Variants in TRPM6 observed in about 807,000 individuals in gnomAD.
TRPM6 encodes the protein channel kinase 2.
A neutral mutation model predicts 247.6 loss-of-function variants in TRPM6; 111 were observed. The observed-to-expected ratio is 0.45, with a 90% CI of 0.38 to 0.52. The LOEUF is 0.52. Among genes scored for constraint, TRPM6 ranks in the 20% least tolerant of loss-of-function variants. The probability of loss-of-function intolerance (pLI) is 0.00; values close to 1 mark genes in which losing one functional copy is unlikely to be tolerated. For synonymous variants in TRPM6, 892 were observed against 853.8 expected (o/e 1.04, Z -0.78); for missense variants, 2,126 against 2,421.5 (o/e 0.88, Z 2.56).
At chr9:74,833,951 T>G in intron 6 of TRPM6, 47 bp downstream of exon 6, 1 of 1,611,204 alleles carries the variant, frequency 6.2e-7, no homozygotes, top group Non-Finnish European at 8.5e-7. Flanking sequence ...GCTGGCAATT[T>G]GCACACGTGT....
At chr9:74,786,383 A>G (rs1009729210) in intron 20 of TRPM6, among the ~76,000 whole-genome samples, 1 of 152,262 alleles carries the variant, frequency 6.6e-6, no homozygotes, top group Non-Finnish European at 1.5e-5. Context: ...AAAAATAGAA[A>G]GCACTTTTTC....
chr9:74,782,299 T>A, intron 23 of TRPM6, 63 bp downstream of exon 23: 1 of 1,220,136 alleles, frequency 8.2e-7, no homozygotes, highest in Non-Finnish European at 1.2e-6. Flanking sequence ...TACATGTGAA[T>A]CTACTCAACA....
At chr9:74,761,856 A>T (rs1229693112) in intron 26 of TRPM6, 48 bp from the exon 27 acceptor site, 4 of 1,521,262 alleles carry the variant, frequency 2.6e-6, no homozygotes, top group Admixed American at 3.3e-5. Flanking sequence ...GTAAGTGGGG[A>T]ACATTTTGTT....
intron 27 of TRPM6, among the ~76,000 whole-genome samples, chr9:74,760,227 G>A (rs1263560211): frequency 1.3e-5 from 2 of 152,128 alleles, no homozygotes; most frequent in Non-Finnish European, 2.9e-5. Flanking sequence ...GACACTCCTA[G>A]AACAACTTCC....
intron 1 of TRPM6, among the ~76,000 whole-genome samples, chr9:74,870,922 T>C (rs377415483): frequency 9.9e-5 from 15 of 151,422 alleles, no homozygotes; most frequent in South Asian, 6.3e-4. Context: ...GACAGAGAGA[T>C]ACTCCGTCTC....
chr9:74,877,023 A>C (rs1831212348), intron 1 of TRPM6, among the ~76,000 whole-genome samples: 1 of 152,236 alleles, frequency 6.6e-6, no homozygotes, highest in Non-Finnish European at 1.5e-5. Flanking sequence ...GAAATGCAAA[A>C]CCATGCAGTC....
At chr9:74,795,401 G>A (rs2118983887) in intron 18 of TRPM6, among the ~76,000 whole-genome samples, 1 of 152,300 alleles carries the variant, frequency 6.6e-6, no homozygotes, top group Non-Finnish European at 1.5e-5. Context: ...ACATGATCTA[G>A]CCTCAATCTA....
At chr9:74,863,071 G>A (rs1056259962) in intron 1 of TRPM6, among the ~76,000 whole-genome samples, 2 of 151,590 alleles carry the variant, frequency 1.3e-5, no homozygotes, top group African/African-American at 2.4e-5. Flanking sequence ...TTTTTGAGAC[G>A]GAGTTTCTCT....
chr9:74,871,539 G>A (rs958862122), intron 1 of TRPM6, among the ~76,000 whole-genome samples: 1 of 152,116 alleles, frequency 6.6e-6, no homozygotes, highest in Non-Finnish European at 1.5e-5. Flanking sequence ...CTAAGCACCT[G>A]GTCATGTATA....
intron 25 of TRPM6, among the ~76,000 whole-genome samples, chr9:74,767,309 G>A (rs1423041653): frequency 6.6e-6 from 1 of 152,106 alleles, no homozygotes; most frequent in African/African-American, 2.4e-5. Context: ...TTACTCCACA[G>A]AACAGAGAAA....
chr9:74,743,513 C>T (rs1041123137), intron 32 of TRPM6, among the ~76,000 whole-genome samples: 1 of 152,224 alleles, frequency 6.6e-6, no homozygotes, highest in East Asian at 1.9e-4. Flanking sequence ...CCTCTTAATT[C>T]TCAACTAGCC....
chr9:74,787,209 C>A (rs148921207), intron 20 of TRPM6, among the ~76,000 whole-genome samples: 1,800 of 152,118 alleles, frequency 0.012, 30 homozygotes, highest in African/African-American at 0.04. Context: ...GTGGCAGGCA[C>A]CTGTAATCCC....
intron 23 of TRPM6, 35 bp downstream of exon 23, chr9:74,782,327 T>A: frequency 6.7e-7 from 1 of 1,490,342 alleles, no homozygotes; most frequent in Non-Finnish European, 9.4e-7. Context: ...CCACATTTCT[T>A]ATTTAAATAA....
At chr9:74,860,002 A>G (rs962860279) in intron 1 of TRPM6, among the ~76,000 whole-genome samples, 1 of 152,166 alleles carries the variant, frequency 6.6e-6, no homozygotes, top group Admixed American at 6.5e-5. Context: ...ATCCTCAAAA[A>G]AAGCTCAGTG....
rs186918180 is a variant in TRPM6, at chr9:74,852,485, G to C, written c.152+3042C>G. The stretch of plus-strand genomic sequence containing the variant: ...CCTCTCCCTCTCCCTCTCCCTCTCC[G>C]TCTCCGTCTCCATGGTCTCCCTCTC... On this transcript the variant is annotated intron_variant, in intron 3 of 38. Coordinates refer to ENST00000360774, the MANE Select transcript of TRPM6 (RefSeq NM_017662.5). Among the ~76,000 whole-genome samples, 428 of 133,006 alleles carry C rather than the reference G, an allele frequency of 3.2e-3. 2 individuals carry two copies. The highest frequency in any genetic ancestry group is 0.014 in the African/African-American group (409 of 28,324). The allele number at this position is 133,006 out of a possible 152,430, so 87.3% of individuals were successfully genotyped here.
At chr9:74,861,661 A>C (rs1830693313) in intron 1 of TRPM6, among the ~76,000 whole-genome samples, 7 of 152,206 alleles carry the variant, frequency 4.6e-5, no homozygotes, top group Admixed American at 4.6e-4. Flanking sequence ...GGATTAGATA[A>C]AGGTTTAGAA....
chr9:74,866,689 C>T (rs1215191374), intron 1 of TRPM6, among the ~76,000 whole-genome samples: 1 of 152,086 alleles, frequency 6.6e-6, no homozygotes. Flanking sequence ...CCATGTTGGC[C>T]AGGCTGGTCT....
chr9:74,863,026 GT>G (rs1205092730), intron 1 of TRPM6, among the ~76,000 whole-genome samples: 1 of 150,752 alleles, frequency 6.6e-6, no homozygotes, highest in Admixed American at 6.6e-5. Context: ...AAGTTTTTTT[GT>G]TTTGTTTTGT....
At chr9:74,764,019 AG>A (rs1826743306) in intron 25 of TRPM6, among the ~76,000 whole-genome samples, 1 of 151,786 alleles carries the variant, frequency 6.6e-6, no homozygotes, top group Admixed American at 6.6e-5. Context: ...GCATGGTGGC[AG>A]GCACCTGTAA....
Sources: gnomAD v4.1 joint callset for allele counts (sites outside exome capture counted in the v4.1 genomes callset) on GRCh38, gnomAD v4.1.1 for gene constraint, MANE v1.5 for transcripts, NCBI Gene and HGNC (gene_info 2026-07-23, HGNC 2026-07-21) for gene names.